HTR1F: variants seen among roughly 807,000 people sequenced by gnomAD.
HTR1F encodes the protein 5-hydroxytryptamine (serotonin) receptor 1F, G protein-coupled.
Under a neutral mutation model 24.0 loss-of-function variants are expected in HTR1F, and 17 were observed. The ratio of observed to expected loss-of-function variants is 0.71; its 90% CI spans 0.48 to 1.06. The LOEUF is 1.06. Ranked by LOEUF, HTR1F falls within the 50% of genes least tolerant of loss-of-function variation. The pLI, the probability that HTR1F is intolerant of heterozygous loss-of-function variation, is 0.00. For synonymous variants in HTR1F, 186 were observed against 156.8 expected (o/e 1.19, Z -1.39); for missense variants, 391 against 427.8 (o/e 0.91, Z 0.76).
intron 2 of HTR1F, among the ~76,000 whole-genome samples, chr3:87,950,497 A>G (rs1704808817): frequency 6.6e-6 from 1 of 152,024 alleles, no homozygotes; most frequent in East Asian, 1.9e-4. Flanking sequence ...TCAGTTGATC[A>G]GGATGCCCTG....
At chr3:87,974,527 T>C (rs1342473912) in intron 2 of HTR1F, among the ~76,000 whole-genome samples, 2 of 147,270 alleles carry the variant, frequency 1.4e-5, no homozygotes. Context: ...TCTCTACTAG[T>C]ATAAGAAAAA....
intron 2 of HTR1F, among the ~76,000 whole-genome samples, chr3:87,987,718 ATTTTATATATGTAT>A (rs1426052104): frequency 5.4e-5 from 5 of 91,750 alleles, no homozygotes; most frequent in South Asian, 6.0e-4. Flanking sequence ...ATATATATGT[ATTTTATATATGTAT>A]TTTATATATA....
At chr3:87,943,414 A>C (rs1370871653) in intron 2 of HTR1F, among the ~76,000 whole-genome samples, 1 of 152,196 alleles carries the variant, frequency 6.6e-6, no homozygotes, top group African/African-American at 2.4e-5. Flanking sequence ...AATTTGCTTT[A>C]AGTTCGAGAG....
intron 2 of HTR1F, among the ~76,000 whole-genome samples, chr3:87,955,259 C>A (rs1163039294): frequency 1.3e-5 from 2 of 151,346 alleles, no homozygotes; most frequent in Non-Finnish European, 3.0e-5. Context: ...CTTTTTCGCA[C>A]CTATATTAGT....
rs769604315 is a variant in HTR1F, at chr3:87,991,147, G to C, written c.398G>C (p.Arg133Thr). The C allele has an allele frequency of 1.9e-6, 3 of 1,613,902 alleles. No individual in the cohort carries two copies. The African/African-American group carries it at 4.0e-5, about 22-fold the overall frequency. Residue 133 changes from arginine to threonine, a missense_variant, in exon 3 of 3, where the codon AGG (arginine) becomes ACG (threonine). Coordinates refer to ENST00000319595, the MANE Select transcript of HTR1F (RefSeq NM_001322209.2). Reference sequence around the variant, plus strand: ...ATCACAGATGCTGTTGAGTATGCCAGGAAAAGGACTCCAAAGCATGCTGGC... The same window carrying C: ...ATCACAGATGCTGTTGAGTATGCCACGAAAAGGACTCCAAAGCATGCTGGC... ...RAITDAVEYARKRTPKHAGIM... is the reference protein window; with the variant it reads ...RAITDAVEYATKRTPKHAGIM...
chr3:87,937,682 G>C (rs1461542655), intron 2 of HTR1F, among the ~76,000 whole-genome samples: 1 of 152,142 alleles, frequency 6.6e-6, no homozygotes, highest in Non-Finnish European at 1.5e-5. Context: ...CCAGCACTTT[G>C]GGAGGATGAG....
chr3:87,846,160 C>T lies in HTR1F; in HGVS notation c.-43+24036C>T, dbSNP rs569408724. ...CTATAAAAGTAGTATGGGCCGGGTG[C>T]GGTGGCTCACGCCTGTAATCCCAGC... On this transcript the variant is annotated intron_variant, in intron 2 of 2. Transcript: ENST00000319595. Among the ~76,000 whole-genome samples the T allele has an allele frequency of 4.7e-4, 71 of 152,030 alleles. 1 individual carries two copies. In the South Asian group the frequency reaches 0.011, roughly 24 times the overall value.
chr3:87,885,848 A>G (rs1414103380), intron 2 of HTR1F, among the ~76,000 whole-genome samples: 4 of 152,168 alleles, frequency 2.6e-5, no homozygotes, highest in Admixed American at 6.5e-5. Flanking sequence ...GCAATAATCA[A>G]TAGCCTACCA....
chr3:87,891,294 G>C (rs1706080643), intron 2 of HTR1F, among the ~76,000 whole-genome samples: 2 of 148,032 alleles, frequency 1.4e-5, no homozygotes, highest in Non-Finnish European at 3.0e-5. Flanking sequence ...AGTGTTTTTT[G>C]TTAAAATAAA....
chr3:87,962,621 G>A (rs1705086023), intron 2 of HTR1F, among the ~76,000 whole-genome samples: 1 of 151,924 alleles, frequency 6.6e-6, no homozygotes, highest in Non-Finnish European at 1.5e-5. Flanking sequence ...TATATTAGCA[G>A]GATATGAAGT....
At chr3:87,970,490 C>T (rs1705262661) in intron 2 of HTR1F, among the ~76,000 whole-genome samples, 1 of 152,142 alleles carries the variant, frequency 6.6e-6, no homozygotes, top group Non-Finnish European at 1.5e-5. Flanking sequence ...ACAAATGTTT[C>T]CCTGAGCGAG....
chr3:87,966,861 G>A (rs1705172868), intron 2 of HTR1F, among the ~76,000 whole-genome samples: 1 of 151,944 alleles, frequency 6.6e-6, no homozygotes, highest in Admixed American at 6.6e-5. Context: ...ATCCAACAAT[G>A]TTCCTTTCCT....
rs1705853347 is a variant in HTR1F at position 87,992,183 on chromosome 3, G to A, written c.*333G>A. The A allele has an allele frequency of 5.8e-6, 1 of 171,898 alleles. No homozygotes were observed. The highest frequency in any genetic ancestry group is 6.5e-5 in the Admixed American group (1 of 15,482). The allele number at this position is 171,898 out of a possible 1,614,324, so 10.6% of individuals were successfully genotyped here. A position where few individuals can be genotyped will look rare whatever the true frequency, so the allele number is the denominator to read the frequency against. On this transcript the variant is annotated 3_prime_UTR_variant, in exon 3 of 3. Transcript: ENST00000319595. ...GTTTACATCTTACAATAATTATAGA[G>A]GAGTTTTCAATTAACAACATACCTC...
In HTR1F at chr3:87,990,743, A is replaced by G. The variant is rs775585110; in HGVS notation, c.-7A>G. 1.7e-5 allele frequency: 28 copies of G among 1,601,478 alleles called. No homozygotes were observed. The East Asian group carries it at 6.0e-4, about 35-fold the overall frequency. On this transcript the variant is annotated 5_prime_UTR_variant, in exon 3 of 3. Coordinates refer to ENST00000319595, the MANE Select transcript of HTR1F (RefSeq NM_001322209.2). ...TTCAGCTATATTAATCTTTTAAAAC[A>G]AAGAAAATGGATTTCTTAAATTCAT...
chr3:87,899,362 T>A (rs1706273406), intron 2 of HTR1F, among the ~76,000 whole-genome samples: 1 of 152,180 alleles, frequency 6.6e-6, no homozygotes, highest in South Asian at 2.1e-4. Context: ...TTTTAGAAAT[T>A]CCCACACTTT....
intron 2 of HTR1F, among the ~76,000 whole-genome samples, chr3:87,855,904 T>C (rs1273359097): frequency 6.6e-6 from 1 of 152,030 alleles, no homozygotes; most frequent in Admixed American, 6.6e-5. Context: ...ACAGTGCTTG[T>C]GTTCAAGTAA....
At chr3:87,860,406 G>T (rs999435678) in intron 2 of HTR1F, among the ~76,000 whole-genome samples, 23 of 152,130 alleles carry the variant, frequency 1.5e-4, no homozygotes, top group African/African-American at 5.1e-4. Context: ...AGAACATTAT[G>T]TTGGGTTGGG....
At chr3:87,830,777 C>T (rs1329202244) in intron 2 of HTR1F, among the ~76,000 whole-genome samples, 2 of 152,106 alleles carry the variant, frequency 1.3e-5, no homozygotes, top group East Asian at 1.9e-4. Flanking sequence ...TGTTTCGCCA[C>T]CTGTATCTTG....
intron 2 of HTR1F, among the ~76,000 whole-genome samples, chr3:87,858,661 G>GTT (rs148531115): frequency 1.0e-3 from 154 of 147,930 alleles, no homozygotes; most frequent in African/African-American, 3.6e-3. Context: ...GATATTCTCG[G>GTT]TTTTTTTTTT....
Sources: allele counts gnomAD v4.1 joint callset (sites outside exome capture counted in the v4.1 genomes callset), GRCh38; gene constraint gnomAD v4.1.1; transcripts MANE v1.5; gene names NCBI Gene and HGNC (gene_info 2026-07-23, HGNC 2026-07-21).